Variants in CEMIP2 observed in about 807,000 individuals in gnomAD.
CEMIP2 encodes the protein cell migration inducing hyaluronidase 2, also known as cell surface hyaluronidase CEMIP2.
In CEMIP2, 79 loss-of-function variants were observed where a neutral mutation model predicts 146.9. That is an observed-to-expected ratio of 0.54 (90% confidence interval 0.45 to 0.65). The LOEUF is 0.65. Among genes scored for constraint, CEMIP2 ranks in the 30% least tolerant of loss-of-function variants. CEMIP2 has a pLI of 0.00. For synonymous variants in CEMIP2, 601 were observed against 606.3 expected (o/e 0.99, Z 0.13); for missense variants, 1,596 against 1,696.2 (o/e 0.94, Z 1.04).
intron 10 of CEMIP2, among the ~76,000 whole-genome samples, chr9:71,728,285 A>ATACACGTATATATATATATATG (rs1554684743): frequency 3.7e-5 from 1 of 27,310 alleles, no homozygotes. Flanking sequence ...ATATATGTAT[A>ATACACGTATATATATATATATG]TATATATATA....
chr9:71,692,179 A>G (rs1188812393), intron 21 of CEMIP2, among the ~76,000 whole-genome samples: 3 of 151,886 alleles, frequency 2.0e-5, no homozygotes, highest in Admixed American at 2.0e-4. Flanking sequence ...AAGAGTTTTC[A>G]GATAATGAAT....
chr9:71,733,931 C>T (rs1589153380), intron 6 of CEMIP2, among the ~76,000 whole-genome samples: 1 of 152,206 alleles, frequency 6.6e-6, no homozygotes, highest in East Asian at 1.9e-4. Context: ...GCGACCTTCG[C>T]CTCCTGGGTT....
chr9:71,728,248 TATGTATATAC>T lies in CEMIP2; in HGVS notation c.2049+1587_2049+1596del, dbSNP rs1440712441. ...CTCTCTCTCTATATATATATATATATATGTATATACACGTATATATATATATATATATGTA... is the reference window on the plus strand; with the variant it reads ...CTCTCTCTCTATATATATATATATATACGTATATATATATATATATATGTA... On this transcript the variant is annotated intron_variant, in intron 10 of 23. Transcript: ENST00000377044. 8.2e-3 allele frequency among the ~76,000 whole-genome samples: 376 copies of T among 46,018 alleles called. 21 individuals carry two copies. The highest frequency in any genetic ancestry group is 0.018 in the South Asian group (18 of 978). The allele number at this position is 46,018 out of a possible 152,430, so 30.2% of individuals were successfully genotyped here. A position where few individuals can be genotyped will look rare whatever the true frequency, so the allele number is the denominator to read the frequency against.
chr9:71,717,162 A>G (rs1823081230), intron 13 of CEMIP2, among the ~76,000 whole-genome samples: 1 of 152,144 alleles, frequency 6.6e-6, no homozygotes, highest in African/African-American at 2.4e-5. Context: ...ACAGGGCAAG[A>G]CCCTGTCTCA....
intron 22 of CEMIP2, 125 bp from the exon 23 acceptor site, chr9:71,685,971 A>C: frequency 1.5e-6 from 1 of 684,272 alleles, no homozygotes; most frequent in Non-Finnish European, 2.4e-6. Context: ...CTCCAAAAAG[A>C]AAAAAGTCTA....
chr9:71,697,850 G>A, intron 20 of CEMIP2, 135 bp downstream of exon 20: 1 of 868,370 alleles, frequency 1.2e-6, no homozygotes, highest in South Asian at 1.8e-5. Flanking sequence ...ATTTTAGCAT[G>A]GGCCAAAATT....
At position 71,732,500 on chromosome 9, in the gene CEMIP2, T is replaced by C. The variant is rs1823648056; in HGVS notation, c.1414A>G (p.Met472Val). The C allele has an allele frequency of 6.2e-7, 1 of 1,606,976 alleles. No homozygotes were observed. The highest frequency in any genetic ancestry group is 1.3e-5 in the African/African-American group (1 of 74,570). Residue 472 changes from methionine to valine, a missense_variant, in exon 7 of 24, where the codon ATG (methionine) becomes GTG (valine). Coordinates refer to ENST00000377044, the MANE Select transcript of CEMIP2 (RefSeq NM_013390.3). ...TCTACACCGTCTATGATCTCACCCA[T>C]GTGCAGGAACTGAGGGGTTTCTGGT... Reference protein sequence around the residue: ...KVKETPQFLHMGEIIDGVDMR... With the variant: ...KVKETPQFLHVGEIIDGVDMR...
intron 20 of CEMIP2, among the ~76,000 whole-genome samples, chr9:71,696,830 A>G (rs964404684): frequency 6.6e-6 from 1 of 152,078 alleles, no homozygotes; most frequent in African/African-American, 2.4e-5. Context: ...AGTGGGAAAC[A>G]TAAATCCACC....
chr9:71,754,614 A>T (rs1824367991), intron 1 of CEMIP2, among the ~76,000 whole-genome samples: 2 of 152,210 alleles, frequency 1.3e-5, no homozygotes, highest in Admixed American at 6.5e-5. Flanking sequence ...GATAATCCAA[A>T]ATGGGGATAA....
intron 13 of CEMIP2, among the ~76,000 whole-genome samples, chr9:71,717,096 T>C (rs149529264): frequency 9.8e-4 from 149 of 152,186 alleles, no homozygotes; most frequent in African/African-American, 3.2e-3. Flanking sequence ...TGCTTGAGCA[T>C]AGAAAGTTGA....
At chr9:71,708,181 G>A (rs907179214) in intron 17 of CEMIP2, among the ~76,000 whole-genome samples, 25 of 152,184 alleles carry the variant, frequency 1.6e-4, no homozygotes, top group African/African-American at 5.3e-4. Flanking sequence ...GCAAGACTCC[G>A]TCTCAAAAAT....
In CEMIP2 at chr9:71,728,280, T is replaced by TACAC. The variant is rs1491467360; in HGVS notation, c.2049+1564_2049+1565insGTGT. ...ATACACGTATATATATATATATATATGTATATATATATATATATATACATA... is the reference window on the plus strand; with the variant it reads ...ATACACGTATATATATATATATATATACACGTATATATATATATATATATACATA... On this transcript the variant is annotated intron_variant, in intron 10 of 23. Transcript: ENST00000377044. 5.5e-4 allele frequency among the ~76,000 whole-genome samples: 7 copies of TACAC among 12,644 alleles called. 1 individual carries two copies. Among genetic ancestry groups the TACAC allele is most frequent in the African/African-American group, 8.8e-4 (4 of 4,540 alleles). The allele number at this position is 12,644 out of a possible 152,430, so 8.3% of individuals were successfully genotyped here. A position where few individuals can be genotyped will look rare whatever the true frequency, so the allele number is the denominator to read the frequency against.
chr9:71,731,516 C>G (rs1323886903), intron 7 of CEMIP2, among the ~76,000 whole-genome samples: 1 of 152,042 alleles, frequency 6.6e-6, no homozygotes, highest in African/African-American at 2.4e-5. Flanking sequence ...ATTGCTTGAG[C>G]CCAGGAGTTC....
chr9:71,751,362 A>G lies in CEMIP2; in HGVS notation c.-12-977T>C, dbSNP rs535049118. Reference sequence around the variant, plus strand: ...CAATCACCTTCATTACTTGTGTTCTAATGTCACTCCTTCTCAACCCTGGCT... The same window carrying G: ...CAATCACCTTCATTACTTGTGTTCTGATGTCACTCCTTCTCAACCCTGGCT... On this transcript the variant is annotated intron_variant, in intron 1 of 23. Transcript: ENST00000377044. 1.4e-3 allele frequency among the ~76,000 whole-genome samples: 209 copies of G among 152,294 alleles called. 1 individual carries two copies. The highest frequency in any genetic ancestry group is 1.5e-3 in the Admixed American group (23 of 15,304).
rs2131901930 is a variant in CEMIP2, at chr9:71,709,379, G to A, written c.2865C>T (p.Gly955=). 2 of 1,614,144 alleles carry A rather than the reference G, an allele frequency of 1.2e-6. No individual in the cohort carries two copies. The highest frequency in any genetic ancestry group is 1.7e-6 in the Non-Finnish European group (2 of 1,180,014). Residue 955 remains glycine, a synonymous_variant, in exon 17 of 24, where the codon GGC becomes GGT. Coordinates refer to ENST00000377044, the MANE Select transcript of CEMIP2 (RefSeq NM_013390.3). ...AAGCATCCTTGTATCCTGTCACAGA[G>A]CCATCAATGTCATGGAATATGGAGT... is the stretch of plus-strand genomic sequence containing the variant. ...DKNSIFHDID[G]SVTGYKDAYV... is the part of the protein sequence containing the mutation.
chr9:71,712,464 G>A (rs184408287), intron 15 of CEMIP2: 28 of 567,534 alleles, frequency 4.9e-5, no homozygotes. Context: ...GATCATTTCA[G>A]AAAATAAGTG....
At chr9:71,745,633 A>G in intron 3 of CEMIP2, 54 bp from the exon 4 acceptor site, 2 of 1,485,384 alleles carry the variant, frequency 1.3e-6, no homozygotes, top group Non-Finnish European at 1.8e-6. Flanking sequence ...TCTGAGATAC[A>G]AGGAAATAGA....
intron 5 of CEMIP2, 82 bp from the exon 6 acceptor site, chr9:71,735,076 T>G (rs1452197425): frequency 6.1e-6 from 9 of 1,465,630 alleles, no homozygotes; most frequent in Non-Finnish European, 9.0e-7. Flanking sequence ...CTCACACTGA[T>G]TCACAAATCA....
chr9:71,701,254 C>G (rs1822553262), intron 18 of CEMIP2, among the ~76,000 whole-genome samples: 1 of 152,056 alleles, frequency 6.6e-6, no homozygotes, highest in Non-Finnish European at 1.5e-5. Context: ...TACAGGGGCA[C>G]AACACCATGC....
Sources: gnomAD v4.1 joint callset for allele counts (sites outside exome capture counted in the v4.1 genomes callset) on GRCh38, gnomAD v4.1.1 for gene constraint, MANE v1.5 for transcripts, NCBI Gene and HGNC (gene_info 2026-07-23, HGNC 2026-07-21) for gene names.